Variants in SLC36A3 observed in about 807,000 individuals in gnomAD.
SLC36A3 encodes solute carrier family 36 member 3, also known as proton-coupled amino acid transporter 3.
A neutral mutation model predicts 44.3 loss-of-function variants in SLC36A3; 35 were observed. The observed-to-expected ratio is 0.79, with a 90% CI of 0.60 to 1.05. The LOEUF (loss-of-function observed/expected upper bound fraction) is 1.05, where lower values mean the gene tolerates loss of function less well. Among genes scored for constraint, SLC36A3 ranks in the 50% least tolerant of loss-of-function variants. The probability of loss-of-function intolerance (pLI) is 0.00; values close to 1 mark genes in which losing one functional copy is unlikely to be tolerated. For synonymous variants in SLC36A3, 211 were observed against 227.6 expected (o/e 0.93, Z 0.66); for missense variants, 540 against 578.7 (o/e 0.93, Z 0.69).
At chr5:151,300,247 G>A (rs1283850002) in intron 1 of SLC36A3, among the ~76,000 whole-genome samples, 2 of 152,192 alleles carry the variant, frequency 1.3e-5, no homozygotes, top group Admixed American at 6.5e-5. Flanking sequence ...GAGAGTCATG[G>A]CAAGGGGCTA....
rs939287170 is a variant in SLC36A3 at position 151,283,992 on chromosome 5, C to A, written c.974+52G>T. 3 of 1,549,072 alleles carry A rather than the reference C, an allele frequency of 1.9e-6. No homozygotes were observed. The African/African-American group carries it at 4.1e-5, about 21-fold the overall frequency. On this transcript the variant is annotated intron_variant, in intron 8 of 9. Transcript: ENST00000335230. Reference sequence around the variant, plus strand: ...TTGCTGTGCTCTCTGCTATGACAACCAGAACAGTTCCAGTGTCTCTCCCTA... The same window carrying A: ...TTGCTGTGCTCTCTGCTATGACAACAAGAACAGTTCCAGTGTCTCTCCCTA...
At chr5:151,284,840 C>A (rs1754473480) in intron 6 of SLC36A3, 129 bp from the exon 7 acceptor site, 2 of 549,336 alleles carry the variant, frequency 3.6e-6, no homozygotes, top group South Asian at 3.5e-5. Flanking sequence ...AGACCTCAGT[C>A]AGCCTTCTAA....
chr5:151,282,294 G>T (rs767535875), intron 8 of SLC36A3, among the ~76,000 whole-genome samples: 2 of 151,524 alleles, frequency 1.3e-5, no homozygotes, highest in Non-Finnish European at 2.9e-5. Flanking sequence ...TCAGCCTCCC[G>T]AGTAGCTGGG....
At chr5:151,283,903 G>T in intron 8 of SLC36A3, 141 bp downstream of exon 8, 1 of 1,036,678 alleles carries the variant, frequency 9.6e-7, no homozygotes, top group Non-Finnish European at 1.3e-6. Flanking sequence ...TTTGACTGAT[G>T]CAGTGTGAGC....
intron 3 of SLC36A3, among the ~76,000 whole-genome samples, chr5:151,295,726 T>G (rs1306594476): frequency 6.6e-6 from 1 of 152,204 alleles, no homozygotes; most frequent in Non-Finnish European, 1.5e-5. Context: ...CTGAAATCAT[T>G]GTGAAGACTT....
chr5:151,302,075 C>T (rs1755179929), intron 1 of SLC36A3, among the ~76,000 whole-genome samples: 1 of 152,200 alleles, frequency 6.6e-6, no homozygotes, highest in Non-Finnish European at 1.5e-5. Flanking sequence ...AATCTCTTTT[C>T]TCTCAGCCTC....
chr5:151,289,918 GT>G (rs1754692862), intron 4 of SLC36A3, among the ~76,000 whole-genome samples: 1 of 152,166 alleles, frequency 6.6e-6, no homozygotes, highest in South Asian at 2.1e-4. Flanking sequence ...TGATTATCCT[GT>G]TCCTCAAACC....
At chr5:151,293,490 T>A in intron 3 of SLC36A3, 31 bp from the exon 4 acceptor site, 1 of 1,563,278 alleles carries the variant, frequency 6.4e-7, no homozygotes, top group Non-Finnish European at 8.7e-7. Context: ...ATGCATAATT[T>A]AAAACATTTT....
Position 151,279,254 on chromosome 5 carries a change from G to A in SLC36A3, c.1145-1593C>T, listed in dbSNP as rs182151924. 3.5e-3 allele frequency among the ~76,000 whole-genome samples: 538 copies of A among 152,288 alleles called. 4 individuals are homozygous for A. The highest frequency in any genetic ancestry group is 0.012 in the African/African-American group (516 of 41,546). ...TGTGTAGAGTGTGTCTTCTACTTAC[G>A]ATCTTAACCATCATATGGTGCATTA... On this transcript the variant is annotated intron_variant, in intron 9 of 9. Transcript: ENST00000335230.
chr5:151,296,399 T>C (rs1754961766), intron 2 of SLC36A3, 131 bp from the exon 3 acceptor site: 3 of 723,476 alleles, frequency 4.1e-6, no homozygotes, highest in African/African-American at 3.5e-5. Context: ...CCAGCCTGAA[T>C]GTCCTCATGC....
chr5:151,287,371 T>C lies in SLC36A3; in HGVS notation c.583A>G (p.Ile195Val), dbSNP rs1201116750. The stretch of plus-strand genomic sequence containing the variant: ...AACAGGATCAGGAAGGGCAGGATTA[T>C]CAGCATGTAGAAACGAATGTCCAGG... ...PILDIRFYMLIILPFLILLVF... is the reference protein window; with the variant it reads ...PILDIRFYMLVILPFLILLVF... Residue 195 changes from isoleucine to valine, a missense_variant, in exon 6 of 10, where the codon ATA becomes GTA. Ile to Val is a conservative substitution (Grantham distance 29, BLOSUM62 3). Coordinates refer to ENST00000335230, the MANE Select transcript of SLC36A3 (RefSeq NM_181774.4). The C allele has an allele frequency of 1.2e-6, 2 of 1,614,144 alleles. No individual in the cohort carries two copies. The highest frequency in any genetic ancestry group is 1.6e-4 in the Middle Eastern group (1 of 6,062).
intron 1 of SLC36A3, among the ~76,000 whole-genome samples, chr5:151,298,932 T>A (rs780948308): frequency 3.9e-5 from 6 of 152,168 alleles, no homozygotes; most frequent in Admixed American, 6.5e-5. Flanking sequence ...TAAAAATTGC[T>A]ACCATTCTGG....
intron 4 of SLC36A3, chr5:151,289,059 C>CA (rs539120210): frequency 0.12 from 13,186 of 109,614 alleles, 749 homozygotes; most frequent in East Asian, 0.25. Flanking sequence ...AATTCCATCT[C>CA]AAAAAAAAAA....
intron 6 of SLC36A3, among the ~76,000 whole-genome samples, chr5:151,287,025 C>T (rs559174541): frequency 1.3e-3 from 192 of 151,702 alleles, no homozygotes; most frequent in African/African-American, 2.2e-3. Flanking sequence ...TCCAATGTGA[C>T]GATGATGATG....
chr5:151,299,218 C>T (rs1755065511), intron 1 of SLC36A3, among the ~76,000 whole-genome samples: 1 of 133,166 alleles, frequency 7.5e-6, no homozygotes, highest in African/African-American at 2.8e-5. Flanking sequence ...ATATGAATTG[C>T]TTGTGCGCTC....
At chr5:151,290,849 C>T (rs1226539142) in intron 4 of SLC36A3, among the ~76,000 whole-genome samples, 2 of 151,804 alleles carry the variant, frequency 1.3e-5, no homozygotes, top group Non-Finnish European at 2.9e-5. Flanking sequence ...GAGCCGAGAT[C>T]GCGCCACTGC....
intron 6 of SLC36A3, 104 bp downstream of exon 6, chr5:151,287,142 G>A: frequency 8.6e-7 from 1 of 1,168,460 alleles, no homozygotes; most frequent in Admixed American, 2.2e-5. Flanking sequence ...TCAGAGCAGA[G>A]GATCACCTTC....
chr5:151,299,264 C>CTATATA (rs66776978), intron 1 of SLC36A3, among the ~76,000 whole-genome samples: 113 of 59,634 alleles, frequency 1.9e-3, no homozygotes, highest in Middle Eastern at 0.01. Flanking sequence ...CTCTCTCTCT[C>CTATATA]TATATATATA....
chr5:151,290,913 G>T (rs1194924283), intron 4 of SLC36A3, among the ~76,000 whole-genome samples: 1 of 151,742 alleles, frequency 6.6e-6, no homozygotes, highest in Non-Finnish European at 1.5e-5. Context: ...TCAGTATGTA[G>T]CTGTAATAGA....
Sources: gnomAD v4.1 joint callset for allele counts (sites outside exome capture counted in the v4.1 genomes callset) on GRCh38, gnomAD v4.1.1 for gene constraint, MANE v1.5 for transcripts, NCBI Gene and HGNC (gene_info 2026-07-23, HGNC 2026-07-21) for gene names.